The following ZFHX3 variants were observed in gnomAD, a reference collection of about 807,000 sequenced individuals.
ZFHX3 encodes zinc finger homeobox 3.
Under a neutral mutation model 279.1 loss-of-function variants are expected in ZFHX3, and 42 were observed. The observed-to-expected ratio is 0.15, with a 90% confidence interval of 0.12 to 0.19. ZFHX3 has a LOEUF of 0.19. ZFHX3 is among the 10% of genes least tolerant of loss of function. The probability of loss-of-function intolerance (pLI) is 1.00; values close to 1 mark genes in which losing one functional copy is unlikely to be tolerated. For missense variants in ZFHX3, 4,981 were observed against 4,754.0 expected (o/e 1.05, Z -1.40); for synonymous variants, 2,293 against 1,957.8 (o/e 1.17, Z -4.52).
At chr16:72,943,284 G>A (rs1200049172) in intron 3 of ZFHX3, among the ~76,000 whole-genome samples, 3 of 152,030 alleles carry the variant, frequency 2.0e-5, no homozygotes, top group Admixed American at 6.6e-5. Flanking sequence ...CTGTAATCTC[G>A]GCACTCTAGG....
rs956638362 is a variant in ZFHX3 at position 73,588,714 on chromosome 16, A to C, written c.-1547+91466T>G. Among the ~76,000 whole-genome samples the C allele has an allele frequency of 1.9e-3, 288 of 151,530 alleles. 1 individual carries two copies. Among genetic ancestry groups the C allele is most frequent in the Admixed American group, 2.6e-3 (40 of 15,234 alleles). On this transcript the variant is annotated intron_variant, in intron 2 of 17. Coordinates refer to the ZFHX3 transcript ENST00000641206. The stretch of plus-strand genomic sequence containing the variant: ...CAAAAACAAAAAACAAAACAAAAAA[A>C]AAAAAAACAAGAAAACAAGAGAGAG...
intron 3 of ZFHX3, chr16:73,402,007 C>G (rs1437711685): frequency 6.6e-6 from 1 of 152,180 alleles, no homozygotes; most frequent in Non-Finnish European, 1.5e-5. Flanking sequence ...GAGTCACCCT[C>G]TATATGGAAA....
At chr16:73,683,978 C>A (rs1392418701) in intron 1 of ZFHX3, among the ~76,000 whole-genome samples, 2 of 152,216 alleles carry the variant, frequency 1.3e-5, no homozygotes, top group Non-Finnish European at 2.9e-5. Flanking sequence ...AAAGCAGTAG[C>A]TGTGTTCCAA....
chr16:72,992,628 C>T (rs1169451506), intron 1 of ZFHX3, among the ~76,000 whole-genome samples: 1 of 152,194 alleles, frequency 6.6e-6, no homozygotes, highest in African/African-American at 2.4e-5. Flanking sequence ...TGGAGGCCAG[C>T]ACTTCTCTAG....
chr16:73,422,196 G>T (rs1191202386), intron 3 of ZFHX3, among the ~76,000 whole-genome samples: 2 of 72,790 alleles, frequency 2.7e-5, no homozygotes, highest in Admixed American at 1.1e-4. Flanking sequence ...GTTTTCAGAA[G>T]ATTTTTTTTT....
At chr16:72,905,052 C>T (rs2039135862) in intron 3 of ZFHX3, among the ~76,000 whole-genome samples, 1 of 152,106 alleles carries the variant, frequency 6.6e-6, no homozygotes, top group African/African-American at 2.4e-5. Flanking sequence ...GTTGGCCAGG[C>T]TGGTCTCGAA....
chr16:73,084,319 G>C (rs1689332499), intron 8 of ZFHX3, among the ~76,000 whole-genome samples: 1 of 152,104 alleles, frequency 6.6e-6, no homozygotes, highest in Admixed American at 6.5e-5. Context: ...GTTTGTAGAT[G>C]ACCTATTTTA....
At chr16:73,692,204 A>C (rs905505786) in intron 1 of ZFHX3, among the ~76,000 whole-genome samples, 3 of 152,110 alleles carry the variant, frequency 2.0e-5, no homozygotes, top group Non-Finnish European at 4.4e-5. Flanking sequence ...ACTTCTAATA[A>C]ATAGATTGAG....
At chr16:73,839,573 G>A (rs188718807) in intron 1 of ZFHX3, among the ~76,000 whole-genome samples, 134 of 152,126 alleles carry the variant, frequency 8.8e-4, no homozygotes, top group African/African-American at 2.7e-3. Context: ...TGTGTACAGC[G>A]GAACAGAATA....
intron 1 of ZFHX3, among the ~76,000 whole-genome samples, chr16:73,055,690 G>GCACA (rs1202258646): frequency 2.3e-4 from 21 of 91,266 alleles, no homozygotes; most frequent in Non-Finnish European, 3.3e-4. Context: ...GCGCGCGCGC[G>GCACA]CGCGCGCGCA....
At chr16:73,096,085 T>G (rs543877718) in intron 7 of ZFHX3, among the ~76,000 whole-genome samples, 1 of 152,230 alleles carries the variant, frequency 6.6e-6, no homozygotes, top group African/African-American at 2.4e-5. Context: ...CCAAGAAGGT[T>G]GGAAGCCACT....
At chr16:72,923,443 C>CAAAA in intron 3 of ZFHX3, among the ~76,000 whole-genome samples, 1 of 133,074 alleles carries the variant, frequency 7.5e-6, no homozygotes, top group Non-Finnish European at 1.6e-5. Context: ...AGACCTGTCT[C>CAAAA]AGACCAGAAA....
At chr16:73,159,020 C>A (rs896377865) in intron 5 of ZFHX3, among the ~76,000 whole-genome samples, 2 of 152,122 alleles carry the variant, frequency 1.3e-5, no homozygotes, top group African/African-American at 2.4e-5. Flanking sequence ...TAGGAACAGG[C>A]AAAGATTTCA....
At position 72,787,960 on chromosome 16, in the gene ZFHX3, G is replaced by A. The variant is rs1597223998; in HGVS notation, c.10316C>T (p.Pro3439Leu). 2 of 1,613,944 alleles carry A rather than the reference G, an allele frequency of 1.2e-6. No homozygotes were observed. The highest frequency in any genetic ancestry group is 2.2e-5 in the East Asian group (1 of 44,842). ...TTTGCTTTCTGCTTCTGGCTCTTCA[G>A]GGAGTTTCGGCAGGAGGGGGGACAC... ...REVSPLLPKL[P>L]EEPEAESKSA... Residue 3439 changes from proline (P) to leucine (L), a missense_variant, in exon 10 of 10, where the codon CCT becomes CTT. By Grantham distance (98) the Pro-to-Leu change is moderately conservative. Transcript: ENST00000268489.
intron 1 of ZFHX3, among the ~76,000 whole-genome samples, chr16:72,962,771 T>C (rs1961639899): frequency 6.6e-6 from 1 of 151,892 alleles, no homozygotes; most frequent in South Asian, 2.1e-4. Context: ...CCAATACAGG[T>C]ACCAAGCACA....
intron 2 of ZFHX3, among the ~76,000 whole-genome samples, chr16:73,531,430 C>T (rs2019800247): frequency 6.6e-6 from 1 of 152,026 alleles, no homozygotes; most frequent in Admixed American, 6.6e-5. Context: ...AAGAATATTT[C>T]CTGGCCAGGT....
chr16:72,833,946 C>A (rs1487912327), intron 4 of ZFHX3, among the ~76,000 whole-genome samples: 1 of 152,086 alleles, frequency 6.6e-6, no homozygotes, highest in Admixed American at 6.5e-5. Context: ...TGACTGAAGG[C>A]CTTTAAAAAA....
chr16:73,435,823 T>A (rs1364332676), intron 3 of ZFHX3, among the ~76,000 whole-genome samples: 1 of 152,170 alleles, frequency 6.6e-6, no homozygotes, highest in African/African-American at 2.4e-5. Context: ...AATCTGCTAT[T>A]TGGGGTCAGG....
intron 1 of ZFHX3, among the ~76,000 whole-genome samples, chr16:73,838,596 T>A (rs2142366295): frequency 6.6e-6 from 1 of 152,308 alleles, no homozygotes; most frequent in Non-Finnish European, 1.5e-5. Flanking sequence ...AAAGGTGAGC[T>A]TTCCCATTTG....
Sources: allele counts gnomAD v4.1 joint callset (sites outside exome capture counted in the v4.1 genomes callset), GRCh38; gene constraint gnomAD v4.1.1; transcripts MANE v1.5; gene names NCBI Gene and HGNC (gene_info 2026-07-23, HGNC 2026-07-21).